The following KCNK1 variants were observed in gnomAD, a reference collection of about 807,000 sequenced individuals.
KCNK1 encodes the protein potassium two pore domain channel subfamily K member 1.
In KCNK1, 10 loss-of-function variants were observed where a neutral mutation model predicts 22.2. The observed-to-expected ratio is 0.45, with a 90% CI of 0.28 to 0.76. KCNK1 has a LOEUF of 0.76. Among genes scored for constraint, KCNK1 ranks in the 30% least tolerant of loss-of-function variants. KCNK1 has a pLI of 0.14. For missense variants in KCNK1, 378 were observed against 421.0 expected (o/e 0.90, Z 0.89); for synonymous variants, 200 against 186.4 (o/e 1.07, Z -0.60).
intron 1 of KCNK1, among the ~76,000 whole-genome samples, chr1:233,617,053 T>C (rs535219454): frequency 5.1e-4 from 77 of 152,248 alleles, no homozygotes; most frequent in African/African-American, 1.8e-3. Flanking sequence ...GTGCTTTTTT[T>C]TTTTCTTTTC....
In KCNK1 at chr1:233,671,567, T is replaced by A; in HGVS notation, c.*37T>A. ...GTTGCATTATGCTAGAGCACCAGGGTCAGGGTGCAAGGAAGAGGCTTAAGT... is the reference window on the plus strand; with the variant it reads ...GTTGCATTATGCTAGAGCACCAGGGACAGGGTGCAAGGAAGAGGCTTAAGT... On this transcript the variant is annotated 3_prime_UTR_variant, in exon 3 of 3. Transcript: ENST00000366621. The A allele has an allele frequency of 6.2e-7, 1 of 1,611,330 alleles. No individual in the cohort carries two copies.
chr1:233,638,311 A>G (rs1657938685), intron 1 of KCNK1, among the ~76,000 whole-genome samples: 1 of 152,182 alleles, frequency 6.6e-6, no homozygotes, highest in Non-Finnish European at 1.5e-5. Context: ...CAGGAAAAAA[A>G]TAATTAATTT....
rs1205747643 is a variant in KCNK1, at chr1:233,671,364, TGAA to T, written c.850_852del (p.Lys284del). ...AAAAAATTCAGAAAAATGTTCTATG[TGAA>T]GAAGGACAAGGACGAGGATCAGGTG... On this transcript the variant is annotated inframe_deletion, in exon 3 of 3. Coordinates refer to ENST00000366621, the MANE Select transcript of KCNK1 (RefSeq NM_002245.4). 1.1e-5 allele frequency: 18 copies of T among 1,614,106 alleles called. No individual in the cohort carries two copies. Among genetic ancestry groups the T allele is most frequent in the Non-Finnish European group, 1.5e-5 (18 of 1,180,042 alleles).
intron 1 of KCNK1, among the ~76,000 whole-genome samples, chr1:233,649,771 T>C (rs1658166426): frequency 6.6e-6 from 1 of 152,140 alleles, no homozygotes; most frequent in South Asian, 2.1e-4. Context: ...TTTAATACTA[T>C]TGCATTGGGG....
rs562951108 is a variant in KCNK1 at position 233,631,118 on chromosome 1, G to A, written c.355+16592G>A. 3.9e-4 allele frequency: 155 copies of A among 393,698 alleles called. 1 individual carries two copies. Among genetic ancestry groups the A allele is most frequent in the South Asian group, 3.0e-3 (151 of 50,210 alleles). The allele number at this position is 393,698 out of a possible 1,614,324, so 24.4% of individuals were successfully genotyped here. Reference sequence around the variant, plus strand: ...TTCTGTTCTTACATGTTCTGACAAGGAAAAGACCGTGCCTCATCTCTGGCT... The same window carrying A: ...TTCTGTTCTTACATGTTCTGACAAGAAAAAGACCGTGCCTCATCTCTGGCT... On this transcript the variant is annotated intron_variant, in intron 1 of 2. Coordinates refer to ENST00000366621, the MANE Select transcript of KCNK1 (RefSeq NM_002245.4).
rs185430525 is a variant in KCNK1, at chr1:233,666,033, T to C, written c.356-562T>C. ...TTCATTTTTCTTCCGCTTTTTGATA[T>C]CTCTATCTTCATTGATTCTACTCCA... is the stretch of plus-strand genomic sequence containing the variant. On this transcript the variant is annotated intron_variant, in intron 1 of 2. Coordinates refer to ENST00000366621, the MANE Select transcript of KCNK1 (RefSeq NM_002245.4). 3.0e-3 allele frequency among the ~76,000 whole-genome samples: 453 copies of C among 152,362 alleles called. 1 individual carries two copies. The highest frequency in any genetic ancestry group is 0.011 in the African/African-American group (438 of 41,580).
intron 1 of KCNK1, among the ~76,000 whole-genome samples, chr1:233,654,331 A>G (rs572528032): frequency 2.2e-4 from 34 of 152,332 alleles, no homozygotes; most frequent in African/African-American, 7.5e-4. Flanking sequence ...CGTTCAGCAC[A>G]TATATCCCAG....
intron 1 of KCNK1, among the ~76,000 whole-genome samples, chr1:233,647,238 T>C (rs762184923): frequency 5.3e-5 from 8 of 152,210 alleles, no homozygotes; most frequent in Non-Finnish European, 8.8e-5. Flanking sequence ...TTTTCCTGGG[T>C]ATGTGTGATG....
chr1:233,632,464 C>T (rs1657817477), intron 1 of KCNK1, among the ~76,000 whole-genome samples: 1 of 152,056 alleles, frequency 6.6e-6, no homozygotes, highest in Non-Finnish European at 1.5e-5. Context: ...TATAACCTTA[C>T]CGGGACTGGA....
At chr1:233,623,385 A>G (rs1403328300) in intron 1 of KCNK1, among the ~76,000 whole-genome samples, 2 of 152,194 alleles carry the variant, frequency 1.3e-5, no homozygotes, top group Non-Finnish European at 2.9e-5. Flanking sequence ...TAGAATGACT[A>G]TAGTTAACAG....
chr1:233,622,885 C>T (rs1657616168), intron 1 of KCNK1, among the ~76,000 whole-genome samples: 1 of 152,174 alleles, frequency 6.6e-6, no homozygotes, highest in Non-Finnish European at 1.5e-5. Context: ...AGATCAGAGT[C>T]TAACTTTTTG....
Position 233,672,232 on chromosome 1 carries a change from T to A in KCNK1, c.*702T>A, listed in dbSNP as rs1021061270. ...GGGGAATAATAAACTTGAGAGTGAA[T>A]AACCATAGTATTCTGCTGCAATAAA... On this transcript the variant is annotated 3_prime_UTR_variant, in exon 3 of 3. Transcript: ENST00000366621. 6.6e-6 allele frequency: 1 copy of A among 152,574 alleles called. No individual in the cohort carries two copies. The highest frequency in any genetic ancestry group is 2.4e-5 in the African/African-American group (1 of 41,430). The allele number at this position is 152,574 out of a possible 1,614,324, so 9.5% of individuals were successfully genotyped here.
intron 1 of KCNK1, chr1:233,649,948 G>A (rs1199564564): frequency 1.9e-6 from 1 of 533,408 alleles, no homozygotes; most frequent in Admixed American, 1.9e-5. Flanking sequence ...TGGGTCCTGA[G>A]GGTTTTATCT....
intron 1 of KCNK1, among the ~76,000 whole-genome samples, chr1:233,624,537 C>T (rs746974115): frequency 5.9e-5 from 9 of 152,192 alleles, no homozygotes; most frequent in Non-Finnish European, 1.2e-4. Context: ...CTTGGCATCC[C>T]TAGCACTCAA....
At chr1:233,656,525 T>A (rs562209311) in intron 1 of KCNK1, among the ~76,000 whole-genome samples, 4 of 152,374 alleles carry the variant, frequency 2.6e-5, no homozygotes, top group African/African-American at 9.6e-5. Context: ...TCCCCTTGGC[T>A]TATTGATTCT....
At chr1:233,668,391 T>A (rs1658535524) in intron 2 of KCNK1, among the ~76,000 whole-genome samples, 1 of 152,234 alleles carries the variant, frequency 6.6e-6, no homozygotes, top group Admixed American at 6.5e-5. Flanking sequence ...AAATCCCTAA[T>A]GCTTTGAACA....
In KCNK1 at chr1:233,614,288, G is replaced by A. The variant is rs1385870689; in HGVS notation, c.117G>A (p.Val39=). The A allele has an allele frequency of 2.5e-6, 4 of 1,613,350 alleles. No individual in the cohort carries two copies. The highest frequency in any genetic ancestry group is 3.3e-5 in the Admixed American group (2 of 59,968). The change falls in exon 1 of 3, where the codon GTG becomes GTA. Residue 39 remains valine, a synonymous_variant. Transcript: ENST00000366621. The stretch of plus-strand genomic sequence containing the variant: ...TGCTCTACCTGGTCTTCGGCGCAGT[G>A]GTCTTCTCCTCGGTGGAGCTGCCCT... The part of the protein sequence containing the change: ...GYLLYLVFGA[V]VFSSVELPYE...
rs375942578 is a variant in KCNK1, at chr1:233,649,955, A to G, written c.356-16640A>G. ...CTAAATGATGGGTCCTGAGGGTTTTATCTCCTGATTTGGTTAGAAGATTGT... is the reference window on the plus strand; with the variant it reads ...CTAAATGATGGGTCCTGAGGGTTTTGTCTCCTGATTTGGTTAGAAGATTGT... On this transcript the variant is annotated intron_variant, in intron 1 of 2. Coordinates refer to ENST00000366621, the MANE Select transcript of KCNK1 (RefSeq NM_002245.4). The G allele has an allele frequency of 1.2e-4, 65 of 533,420 alleles. No individual in the cohort carries two copies. The East Asian group carries it at 1.6e-3, about 13-fold the overall frequency. 33.0% of individuals were successfully genotyped at this position (533,420 alleles called of 1,614,324 possible).
At chr1:233,617,174 A>T (rs1322827803) in intron 1 of KCNK1, among the ~76,000 whole-genome samples, 1 of 152,190 alleles carries the variant, frequency 6.6e-6, no homozygotes, top group East Asian at 1.9e-4. Context: ...CATTACAAAG[A>T]TGCTGTTATT....
Sources: gnomAD v4.1 joint callset for allele counts (sites outside exome capture counted in the v4.1 genomes callset) on GRCh38, gnomAD v4.1.1 for gene constraint, MANE v1.5 for transcripts, NCBI Gene and HGNC (gene_info 2026-07-23, HGNC 2026-07-21) for gene names.